The following CADM2 variants were observed in gnomAD, a reference collection of about 807,000 sequenced individuals.
CADM2 encodes cell adhesion molecule 2.
CADM2 carries 12 observed loss-of-function variants against 49.8 expected under a neutral mutation model. The observed-to-expected ratio is 0.24, with a 90% CI of 0.15 to 0.39. The LOEUF is 0.39. Ranked by LOEUF, CADM2 falls within the 10% of genes least tolerant of loss-of-function variation. The probability of loss-of-function intolerance (pLI) is 1.00; values close to 1 mark genes in which losing one functional copy is unlikely to be tolerated. For missense variants in CADM2, 378 were observed against 492.3 expected (o/e 0.77, Z 2.20); for synonymous variants, 214 against 175.4 (o/e 1.22, Z -1.74).
intron 1 of CADM2, among the ~76,000 whole-genome samples, chr3:85,670,495 A>G (rs1018722276): frequency 4.6e-5 from 7 of 152,104 alleles, no homozygotes; most frequent in Admixed American, 3.9e-4. Context: ...TCAGTGTCAC[A>G]TTCTTCCCAC....
intron 1 of CADM2, among the ~76,000 whole-genome samples, chr3:85,070,857 T>C (rs1186532016): frequency 2.0e-5 from 3 of 151,836 alleles, no homozygotes; most frequent in Non-Finnish European, 4.4e-5. Context: ...GGCTGGGTGG[T>C]GCACACTTGT....
chr3:85,031,608 G>A (rs956562171), intron 1 of CADM2, among the ~76,000 whole-genome samples: 26 of 152,130 alleles, frequency 1.7e-4, no homozygotes, highest in Middle Eastern at 3.4e-3. Flanking sequence ...TCCGCCTCCC[G>A]GGTTCACGCC....
At chr3:85,041,061 C>T (rs984987616) in intron 1 of CADM2, among the ~76,000 whole-genome samples, 1 of 152,040 alleles carries the variant, frequency 6.6e-6, no homozygotes, top group Admixed American at 6.6e-5. Flanking sequence ...TGGTTGTATT[C>T]TTATATGTTA....
intron 3 of CADM2, among the ~76,000 whole-genome samples, chr3:85,853,503 T>A (rs2075184637): frequency 6.6e-6 from 1 of 152,126 alleles, no homozygotes; most frequent in Non-Finnish European, 1.5e-5. Context: ...TTATCTTACC[T>A]TGGTTTATTA....
Position 86,070,418 on chromosome 3 carries a change from A to C in CADM2, c.*3635A>C, listed in dbSNP as rs115553922. ...TTATTGCAAAGTGTTACCAAGGGGA[A>C]CATTTCAAATGCCTTTTGTTTTTCT... is the stretch of plus-strand genomic sequence containing the variant. On this transcript the variant is annotated 3_prime_UTR_variant, in exon 10 of 10. Coordinates refer to ENST00000383699, the MANE Select transcript of CADM2 (RefSeq NM_001167675.2). 6.6e-6 allele frequency: 1 copy of C among 151,922 alleles called. No homozygotes were observed. The highest frequency in any genetic ancestry group is 1.5e-5 in the Non-Finnish European group (1 of 67,850). The allele number at this position is 151,922 out of a possible 1,614,324, so 9.4% of individuals were successfully genotyped here.
At chr3:86,023,825 C>A (rs1406880623) in intron 8 of CADM2, among the ~76,000 whole-genome samples, 1 of 152,292 alleles carries the variant, frequency 6.6e-6, no homozygotes, top group South Asian at 2.1e-4. Flanking sequence ...TCTGTCTTAA[C>A]TTCAGCCCCA....
At chr3:85,074,978 T>A (rs1345672142) in intron 1 of CADM2, among the ~76,000 whole-genome samples, 1 of 151,320 alleles carries the variant, frequency 6.6e-6, no homozygotes, top group Admixed American at 6.6e-5. Context: ...CAAGATGCAA[T>A]TTAGCATAGC....
chr3:85,089,830 T>C (rs1372944650), intron 1 of CADM2, among the ~76,000 whole-genome samples: 1 of 152,184 alleles, frequency 6.6e-6, no homozygotes, highest in Non-Finnish European at 1.5e-5. Flanking sequence ...TGTACTATGT[T>C]TATCTTCATA....
chr3:85,252,845 T>C (rs1013107168), intron 1 of CADM2, among the ~76,000 whole-genome samples: 6 of 151,068 alleles, frequency 4.0e-5, no homozygotes, highest in African/African-American at 1.5e-4. Context: ...TGAATCTGAC[T>C]GCTAACAAAC....
chr3:85,575,176 A>G (rs78623574), intron 1 of CADM2, among the ~76,000 whole-genome samples: 12,262 of 152,232 alleles, frequency 0.081, 958 homozygotes, highest in African/African-American at 0.18. Context: ...ATTTATGTGT[A>G]TCCGTAAGTT....
At chr3:85,554,234 G>C (rs2061891926) in intron 1 of CADM2, among the ~76,000 whole-genome samples, 1 of 152,134 alleles carries the variant, frequency 6.6e-6, no homozygotes, top group Non-Finnish European at 1.5e-5. Context: ...TTGCAGCCTA[G>C]GTGCCTTGCA....
At chr3:85,426,292 C>A (rs2107509737) in intron 1 of CADM2, among the ~76,000 whole-genome samples, 1 of 152,056 alleles carries the variant, frequency 6.6e-6, no homozygotes, top group Middle Eastern at 3.4e-3. Context: ...CAGATGTGCA[C>A]CATCACACAC....
intron 2 of CADM2, among the ~76,000 whole-genome samples, chr3:85,789,744 T>G (rs892598331): frequency 6.6e-6 from 1 of 152,328 alleles, no homozygotes; most frequent in Admixed American, 6.5e-5. Flanking sequence ...AAATATATTT[T>G]AAAGTCTTCA....
chr3:86,056,097 C>A (rs1737956047), intron 8 of CADM2, among the ~76,000 whole-genome samples: 1 of 152,130 alleles, frequency 6.6e-6, no homozygotes, highest in African/African-American at 2.4e-5. Flanking sequence ...TAAAAACATC[C>A]TTTTCTTTCA....
intron 1 of CADM2, among the ~76,000 whole-genome samples, chr3:85,064,766 C>T (rs189720691): frequency 6.6e-6 from 1 of 152,068 alleles, no homozygotes. Flanking sequence ...ATATTTCTCT[C>T]TTCTCTGCTG....
At chr3:85,862,645 T>G (rs1305831497) in intron 3 of CADM2, among the ~76,000 whole-genome samples, 1 of 152,162 alleles carries the variant, frequency 6.6e-6, no homozygotes, top group Non-Finnish European at 1.5e-5. Context: ...TGATACCAAA[T>G]TTTTTCTTTC....
Position 85,652,747 on chromosome 3 carries a change from TAACCTGAAA to T in CADM2, c.62-73773_62-73765del, listed in dbSNP as rs1322286657. ...TCCCAAATGCCAATGTGCATACAAA[TAACCTGAAA>T]ATCTTTTTTTCTTTTCTTTTTTTTT... On this transcript the variant is annotated intron_variant, in intron 1 of 9. Coordinates refer to ENST00000383699, the MANE Select transcript of CADM2 (RefSeq NM_001167675.2). Among the ~76,000 whole-genome samples the T allele has an allele frequency of 2.1e-5, 3 of 145,834 alleles. No homozygotes were observed. The South Asian group carries it at 6.6e-4, about 32-fold the overall frequency.
chr3:85,465,836 GT>G (rs1188522305), intron 1 of CADM2, among the ~76,000 whole-genome samples: 1 of 152,140 alleles, frequency 6.6e-6, no homozygotes, highest in African/African-American at 2.4e-5. Flanking sequence ...CTGTATCTTT[GT>G]TGACTAGTTG....
At chr3:85,850,170 G>C (rs993646402) in intron 3 of CADM2, among the ~76,000 whole-genome samples, 8 of 152,018 alleles carry the variant, frequency 5.3e-5, no homozygotes, top group Admixed American at 3.3e-4. Flanking sequence ...AGGTCCAGCG[G>C]CTCTATCTGC....
Sources: gnomAD v4.1 joint callset for allele counts (sites outside exome capture counted in the v4.1 genomes callset) on GRCh38, gnomAD v4.1.1 for gene constraint, MANE v1.5 for transcripts, NCBI Gene and HGNC (gene_info 2026-07-23, HGNC 2026-07-21) for gene names.